Variants in TEX11 observed in about 807,000 individuals in gnomAD.
The protein encoded by TEX11 is testis-expressed protein 11.
A neutral mutation model predicts 84.4 loss-of-function variants in TEX11; 7 were observed. The ratio of observed to expected loss-of-function variants is 0.08; its 90% CI spans 0.05 to 0.16. The LOEUF (loss-of-function observed/expected upper bound fraction) is 0.16, where lower values mean the gene tolerates loss of function less well. Ranked by LOEUF, TEX11 falls within the 10% of genes least tolerant of loss-of-function variation. The pLI is 1.00. For synonymous variants in TEX11, 264 were observed against 222.8 expected, an observed-to-expected ratio of 1.18 and a Z score of -1.64; for missense variants, 551 against 660.5, an observed-to-expected ratio of 0.83 and a Z score of 1.82.
In TEX11 at chrX:70,531,695, T is replaced by G. The variant is rs1474855522; in HGVS notation, c.2521-1696A>C. On this transcript the variant is annotated intron_variant, in intron 28 of 29. Transcript: ENST00000374333. ...CTGCTAATGGGTATAGAGTTTCTTT[T>G]GGGGATGATGAAAATGTTCTAGAAT... Among the ~76,000 whole-genome samples the G allele has an allele frequency of 3.6e-5, 4 of 111,272 alleles. No homozygotes were observed. The Admixed American group carries it at 3.9e-4, about 11-fold the overall frequency.
chrX:70,715,454 A>C (rs186962034), intron 13 of TEX11, among the ~76,000 whole-genome samples: 23 of 111,658 alleles, frequency 2.1e-4, no homozygotes, highest in African/African-American at 6.8e-4. Context: ...TGGTCTTTTC[A>C]TATAGTCCCA....
chrX:70,900,972 A>G (rs2091800195), intron 2 of TEX11, among the ~76,000 whole-genome samples: 1 of 111,178 alleles, frequency 9.0e-6, no homozygotes, highest in Non-Finnish European at 1.9e-5. Flanking sequence ...AAATCTAGAA[A>G]AAAGGCCAGT....
At chrX:70,849,653 T>C (rs1277397319) in intron 7 of TEX11, among the ~76,000 whole-genome samples, 1 of 111,798 alleles carries the variant, frequency 8.9e-6, no homozygotes, top group Non-Finnish European at 1.9e-5. Flanking sequence ...CAAGCAAATA[T>C]CAACAAAACT....
chrX:70,730,419 A>T (rs1282390984), intron 11 of TEX11, among the ~76,000 whole-genome samples: 2 of 111,928 alleles, frequency 1.8e-5, no homozygotes, highest in African/African-American at 6.5e-5. Context: ...TCTCACGTGC[A>T]GAGACACACA....
At chrX:70,886,047 T>C (rs1298530735) in intron 2 of TEX11, among the ~76,000 whole-genome samples, 1 of 110,947 alleles carries the variant, frequency 9.0e-6, no homozygotes, top group Non-Finnish European at 1.9e-5. Flanking sequence ...CTTCAAAAAA[T>C]TAAAAATACA....
intron 20 of TEX11, among the ~76,000 whole-genome samples, chrX:70,619,103 T>TTTTC (rs2089352715): frequency 9.0e-6 from 1 of 111,481 alleles, no homozygotes; most frequent in Non-Finnish European, 1.9e-5. Context: ...GACAATATTT[T>TTTTC]TTTCTTTCTT....
chrX:70,905,312 G>A lies in TEX11; in HGVS notation c.37+2441C>T, dbSNP rs373829910. Among the ~76,000 whole-genome samples, 6 of 110,947 alleles carry A rather than the reference G, an allele frequency of 5.4e-5. No individual in the cohort carries two copies. In the East Asian group the frequency reaches 1.7e-3, roughly 31 times the overall value. On this transcript the variant is annotated intron_variant, in intron 2 of 29. Transcript: ENST00000374333. ...TACACTCCAGCCTGGACGACAGAGTGAGACTCTGTCTCAAAAGAAAAAAAA... is the reference window on the plus strand; with the variant it reads ...TACACTCCAGCCTGGACGACAGAGTAAGACTCTGTCTCAAAAGAAAAAAAA...
intron 20 of TEX11, among the ~76,000 whole-genome samples, chrX:70,616,135 T>C (rs1409520618): frequency 1.8e-5 from 2 of 110,949 alleles, no homozygotes; most frequent in Non-Finnish European, 3.8e-5. Flanking sequence ...AAAAACACAA[T>C]ATTATAGCAC....
chrX:70,715,049 T>G (rs936956051), intron 13 of TEX11, among the ~76,000 whole-genome samples: 1 of 111,614 alleles, frequency 9.0e-6, no homozygotes, highest in African/African-American at 3.3e-5. Context: ...CCTTCACTTA[T>G]GAAGCTTAGT....
intron 24 of TEX11, among the ~76,000 whole-genome samples, chrX:70,592,473 A>G (rs1279711507): frequency 9.0e-6 from 1 of 111,581 alleles, no homozygotes; most frequent in Non-Finnish European, 1.9e-5. Flanking sequence ...AGCATAGCTC[A>G]GAGGCCTAGA....
intron 24 of TEX11, among the ~76,000 whole-genome samples, chrX:70,599,908 C>A (rs1454364043): frequency 9.3e-6 from 1 of 108,034 alleles, no homozygotes; most frequent in African/African-American, 3.4e-5. Flanking sequence ...TTTTCTTAAT[C>A]CAGTCTATCA....
chrX:70,774,819 C>T (rs2090991908), intron 9 of TEX11, among the ~76,000 whole-genome samples: 1 of 111,383 alleles, frequency 9.0e-6, no homozygotes, highest in Non-Finnish European at 1.9e-5. Context: ...TATCAAAATA[C>T]CAATGTCATT....
chrX:70,848,907 A>T (rs182294030), intron 7 of TEX11, among the ~76,000 whole-genome samples: 1 of 111,612 alleles, frequency 9.0e-6, no homozygotes, highest in African/African-American at 3.2e-5. Context: ...GAAGCAAAAC[A>T]TACGACCCTT....
chrX:70,760,236 C>G (rs2090899617), intron 9 of TEX11, among the ~76,000 whole-genome samples: 1 of 111,954 alleles, frequency 8.9e-6, no homozygotes, highest in South Asian at 3.7e-4. Context: ...CTACCAATGA[C>G]TTTCTTCACA....
rs1231442208 is a variant in TEX11, at chrX:70,572,409, T to G, written c.2141-17609A>C. Among the ~76,000 whole-genome samples, 10 of 111,605 alleles carry G rather than the reference T, an allele frequency of 9.0e-5. No individual in the cohort carries two copies. In the South Asian group the frequency reaches 1.1e-3, roughly 13 times the overall value. On this transcript the variant is annotated intron_variant, in intron 25 of 29. Transcript: ENST00000374333. The stretch of plus-strand genomic sequence containing the variant: ...CACTTTTACACTGTTGGTGGGACTG[T>G]AAACTAGTTCAACTATTGTGGAAGT...
At chrX:70,898,924 CT>C (rs1466946075) in intron 2 of TEX11, among the ~76,000 whole-genome samples, 1 of 111,868 alleles carries the variant, frequency 8.9e-6, no homozygotes, top group Non-Finnish European at 1.9e-5. Context: ...ACTATTCCCC[CT>C]AATAGGTGCA....
chrX:70,880,841 C>T (rs769671286), intron 2 of TEX11, among the ~76,000 whole-genome samples: 1 of 108,522 alleles, frequency 9.2e-6, no homozygotes, highest in South Asian at 4.1e-4. Context: ...GCTCCAGACT[C>T]CAAATAGCTG....
intron 16 of TEX11, among the ~76,000 whole-genome samples, chrX:70,660,389 G>A (rs192914850): frequency 3.6e-5 from 4 of 111,798 alleles, no homozygotes; most frequent in East Asian, 5.6e-4. Flanking sequence ...TAATAACACC[G>A]AGCTTAAAAT....
At chrX:70,523,589 G>A in the TEX11 span, among the ~76,000 whole-genome samples, 3 of 109,825 alleles carry the variant, frequency 2.7e-5, no homozygotes, top group Non-Finnish European at 3.8e-5. Flanking sequence ...TCAGCCTCCC[G>A]AGTAGCTGGG....
Sources: allele counts gnomAD v4.1 joint callset (sites outside exome capture counted in the v4.1 genomes callset), GRCh38; gene constraint gnomAD v4.1.1; transcripts MANE v1.5; gene names NCBI Gene and HGNC (gene_info 2026-07-23, HGNC 2026-07-21).